Variants in RBM23 observed in about 807,000 individuals in gnomAD.
RBM23 encodes the protein RNA binding motif protein 23.
A neutral mutation model predicts 56.2 loss-of-function variants in RBM23; 53 were observed. The ratio of observed to expected loss-of-function variants is 0.94; its 90% CI spans 0.76 to 1.19. The LOEUF (loss-of-function observed/expected upper bound fraction) is 1.19. Ranked by LOEUF, RBM23 falls within the 50% of genes most tolerant of loss-of-function variation. RBM23 has a pLI of 0.00. For missense variants in RBM23, 642 were observed against 590.3 expected, an observed-to-expected ratio of 1.09 and a Z score of -0.91; for synonymous variants, 197 against 198.5, an observed-to-expected ratio of 0.99 and a Z score of 0.06.
Position 22,903,943 on chromosome 14 carries a change from C to G in RBM23, c.930+318G>C, listed in dbSNP as rs2041063789. 3 of 1,288,402 alleles carry G rather than the reference C, an allele frequency of 2.3e-6. No homozygotes were observed. The South Asian group carries it at 4.7e-5, about 20-fold the overall frequency. 79.8% of individuals were successfully genotyped at this position (1,288,402 alleles called of 1,614,324 possible). A position where few individuals can be genotyped will look rare whatever the true frequency, so the allele number is the denominator to read the frequency against. The stretch of plus-strand genomic sequence containing the variant: ...TAAAGCATGTCTTTAAAAGCCCATA[C>G]CTAACCTCCCTCACACCCCCAACCT... On this transcript the variant is annotated intron_variant, in intron 10 of 13. Coordinates refer to ENST00000359890, the MANE Select transcript of RBM23 (RefSeq NM_001077351.2).
intron 1 of RBM23, among the ~76,000 whole-genome samples, chr14:22,918,413 G>A (rs1327092673): frequency 6.9e-6 from 1 of 144,832 alleles, no homozygotes; most frequent in Non-Finnish European, 1.5e-5. Flanking sequence ...AAAAAAAGAG[G>A]TCCTATAGGC....
chr14:22,905,351 G>A lies in RBM23; in HGVS notation c.558C>T (p.Phe186=), dbSNP rs2041349433. The A allele has an allele frequency of 6.2e-7, 1 of 1,613,988 alleles. No homozygotes were observed. Among genetic ancestry groups the A allele is most frequent in the African/African-American group, 1.3e-5 (1 of 74,916 alleles). The change falls in exon 7 of 14, where the codon TTC becomes TTT. Residue 186 remains phenylalanine (F), a synonymous_variant. Coordinates refer to ENST00000359890, the MANE Select transcript of RBM23 (RefSeq NM_001077351.2). ...GGAGGGTTACCTTGCCTACAGCAGA[G>A]AAAAAGTCCTCCAGATCTCGAGGCC... ...RIRPRDLEDF[F]SAVGKVRDVR...
rs2042477898 is a variant in RBM23 at position 22,911,314 on chromosome 14, G to A, written c.66+14C>T. ...TCATTAACCCAATTCCAGGAGTGAG[G>A]TGGAAAATATTACCTCTTCTTTTTT... On this transcript the variant is annotated intron_variant, in intron 2 of 13. Transcript: ENST00000359890. 2 of 1,611,590 alleles carry A rather than the reference G, an allele frequency of 1.2e-6. No individual in the cohort carries two copies. Among genetic ancestry groups the A allele is most frequent in the Admixed American group, 1.7e-5 (1 of 59,880 alleles).
chr14:22,916,041 C>G (rs952705361), intron 1 of RBM23, among the ~76,000 whole-genome samples: 1 of 152,112 alleles, frequency 6.6e-6, no homozygotes, highest in Non-Finnish European at 1.5e-5. Flanking sequence ...TACAGTGAGG[C>G]CCCATTTTTA....
rs1185029057 is a variant in RBM23 at position 22,898,242 on chromosome 14, A to G, written c.*3488T>C. ...AAGCAGGCAGAATTCCTGTGTCAAGAGCACAGCAGTTTAAAGAACAGGGAG... is the reference window on the plus strand; with the variant it reads ...AAGCAGGCAGAATTCCTGTGTCAAGGGCACAGCAGTTTAAAGAACAGGGAG... On this transcript the variant is annotated 3_prime_UTR_variant, in exon 14 of 14. Transcript: ENST00000359890. 1.3e-5 allele frequency: 2 copies of G among 152,256 alleles called. No homozygotes were observed. Among genetic ancestry groups the G allele is most frequent in the African/African-American group, 2.4e-5 (1 of 41,452 alleles). 9.4% of individuals were successfully genotyped at this position (152,256 alleles called of 1,614,324 possible).
intron 10 of RBM23, chr14:22,903,189 A>C (rs1469873430): frequency 3.0e-6 from 3 of 985,420 alleles, no homozygotes; most frequent in Non-Finnish European, 3.6e-6. Flanking sequence ...CATACACACA[A>C]GAGCTGTTGA....
intron 1 of RBM23, among the ~76,000 whole-genome samples, chr14:22,915,702 G>C (rs2043361039): frequency 1.3e-5 from 2 of 151,916 alleles, no homozygotes; most frequent in Admixed American, 1.3e-4. Context: ...CACCATGTTG[G>C]CCAGGCTGGT....
At chr14:22,901,941 C>A (rs762869619) in intron 12 of RBM23, 39 bp downstream of exon 12, 10 of 1,611,834 alleles carry the variant, frequency 6.2e-6, no homozygotes, top group Non-Finnish European at 5.9e-6. Flanking sequence ...TCTTTCCAGA[C>A]CCCCAAACCT....
rs1385221513 is a variant in RBM23 at position 22,893,937 on chromosome 14, T to C, written c.*7793A>G. On this transcript the variant is annotated 3_prime_UTR_variant, in exon 14 of 14. Coordinates refer to ENST00000359890, the MANE Select transcript of RBM23 (RefSeq NM_001077351.2). ...CAGTAAGCCCTTGAATGCTTTTCAA[T>C]TAGTGCTCAGGATGTTTCCTGGATG... 2 of 152,172 alleles carry C rather than the reference T, an allele frequency of 1.3e-5. No individual in the cohort carries two copies. Among genetic ancestry groups the C allele is most frequent in the African/African-American group, 4.8e-5 (2 of 41,426 alleles). The allele number at this position is 152,172 out of a possible 1,614,324, so 9.4% of individuals were successfully genotyped here.
rs2040266987 is a variant in RBM23, at chr14:22,897,520, A to C, written c.*4210T>G. 1 of 152,200 alleles carries C rather than the reference A, an allele frequency of 6.6e-6. No homozygotes were observed. Among genetic ancestry groups the C allele is most frequent in the South Asian group, 2.1e-4 (1 of 4,824 alleles). 9.4% of individuals were successfully genotyped at this position (152,200 alleles called of 1,614,324 possible). A position where few individuals can be genotyped will look rare whatever the true frequency, so the allele number is the denominator to read the frequency against. On this transcript the variant is annotated 3_prime_UTR_variant, in exon 14 of 14. Transcript: ENST00000359890. ...AGTAGGTCTGGCCTCAAGCTGCTTCAAGATAAGGTCTGAGGCTGGCTTCTC... is the reference window on the plus strand; with the variant it reads ...AGTAGGTCTGGCCTCAAGCTGCTTCCAGATAAGGTCTGAGGCTGGCTTCTC...
rs367972024 is a variant in RBM23, at chr14:22,914,986, CAAAAAAAA to C, written c.-10-3591_-10-3584del. On this transcript the variant is annotated intron_variant, in intron 1 of 13. Transcript: ENST00000359890. Reference sequence around the variant, plus strand: ...TGTAAGATGGAGTAAGACTCCATCTCAAAAAAAAAAAAAAAAAAGAGGAACTTTGTCCT... The same window carrying C: ...TGTAAGATGGAGTAAGACTCCATCTCAAAAAAAAAAGAGGAACTTTGTCCT... 4.7e-3 allele frequency among the ~76,000 whole-genome samples: 480 copies of C among 101,948 alleles called. 4 individuals are homozygous for C. The highest frequency in any genetic ancestry group is 0.019 in the African/African-American group (459 of 23,650). 66.9% of individuals were successfully genotyped at this position (101,948 alleles called of 152,430 possible). A position where few individuals can be genotyped will look rare whatever the true frequency, so the allele number is the denominator to read the frequency against.
Position 22,901,785 on chromosome 14 carries a change from G to C in RBM23, c.1316+29C>G, listed in dbSNP as rs548598660. The C allele has an allele frequency of 1.4e-4, 226 of 1,613,972 alleles. 2 individuals are homozygous for C. In the South Asian group the frequency reaches 2.4e-3, roughly 17 times the overall value. On this transcript the variant is annotated intron_variant, in intron 13 of 13. Transcript: ENST00000359890. ...GCCAAAGGAAAGAGAATAATCAAAGGCTAGAATGAGCTAGACCCTGAGACT... is the reference window on the plus strand; with the variant it reads ...GCCAAAGGAAAGAGAATAATCAAAGCCTAGAATGAGCTAGACCCTGAGACT...
intron 1 of RBM23, chr14:22,913,821 C>G (rs907003971): frequency 1.3e-5 from 2 of 151,746 alleles, no homozygotes; most frequent in South Asian, 2.1e-4. Flanking sequence ...TGTGCTCCAG[C>G]CTGGGTGACA....
intron 1 of RBM23, among the ~76,000 whole-genome samples, chr14:22,912,758 G>T (rs2042749803): frequency 6.6e-6 from 1 of 151,808 alleles, no homozygotes. Flanking sequence ...GGGAGGCCGA[G>T]GCGGGCAGAT....
chr14:22,906,625 A>T (rs1193354727), intron 4 of RBM23, among the ~76,000 whole-genome samples: 1 of 152,250 alleles, frequency 6.6e-6, no homozygotes, highest in Non-Finnish European at 1.5e-5. Context: ...GAATCTCATG[A>T]AGATAGAAAG....
chr14:22,905,542 T>G, intron 6 of RBM23, 64 bp downstream of exon 6: 1 of 1,595,952 alleles, frequency 6.3e-7, no homozygotes. Context: ...TTCCTGTAAT[T>G]TGGCTCAAAT....
At chr14:22,907,982 T>C (rs2139002405) in intron 4 of RBM23, among the ~76,000 whole-genome samples, 1 of 152,292 alleles carries the variant, frequency 6.6e-6, no homozygotes, top group East Asian at 1.9e-4. Flanking sequence ...AGTTGTACAA[T>C]GTGTTTGTGT....
rs966538367 is a variant in RBM23, at chr14:22,900,622, G to C, written c.*1108C>G. ...GTGAGTTTTCATTTTTCTTTCTAAA[G>C]GTGGTTAAATAAATAAACACAATGA... On this transcript the variant is annotated 3_prime_UTR_variant, in exon 14 of 14. Coordinates refer to ENST00000359890, the MANE Select transcript of RBM23 (RefSeq NM_001077351.2). The C allele has an allele frequency of 6.6e-6, 1 of 152,014 alleles. No homozygotes were observed. The highest frequency in any genetic ancestry group is 1.5e-5 in the Non-Finnish European group (1 of 68,008). 9.4% of individuals were successfully genotyped at this position (152,014 alleles called of 1,614,324 possible). A position where few individuals can be genotyped will look rare whatever the true frequency, so the allele number is the denominator to read the frequency against.
chr14:22,912,998 CAAAAAAAAAAA>C (rs58361546), intron 1 of RBM23, among the ~76,000 whole-genome samples: 6 of 35,418 alleles, frequency 1.7e-4, no homozygotes, highest in Non-Finnish European at 2.2e-4. Context: ...GATTCAGTCT[CAAAAAAAAAAA>C]AAAAAAAAAA....
Sources: allele counts gnomAD v4.1 joint callset (sites outside exome capture counted in the v4.1 genomes callset), GRCh38; gene constraint gnomAD v4.1.1; transcripts MANE v1.5; gene names NCBI Gene and HGNC (gene_info 2026-07-23, HGNC 2026-07-21).